PIP5K1C: variants seen among roughly 807,000 people sequenced by gnomAD.
PIP5K1C encodes phosphatidylinositol-4-phosphate 5-kinase type 1 gamma.
Under a neutral mutation model 80.1 loss-of-function variants are expected in PIP5K1C, and 45 were observed. That is an observed-to-expected ratio of 0.56 (90% confidence interval 0.44 to 0.72). The LOEUF is 0.72. PIP5K1C is among the 30% of genes least tolerant of loss of function. The pLI is 0.00. For missense variants in PIP5K1C, 753 were observed against 954.6 expected, an observed-to-expected ratio of 0.79 and a Z score of 2.78; for synonymous variants, 498 against 420.1, an observed-to-expected ratio of 1.19 and a Z score of -2.27.
chr19:3,697,398 G>A (rs1600104713), intron 1 of PIP5K1C, among the ~76,000 whole-genome samples: 1 of 151,070 alleles, frequency 6.6e-6, no homozygotes, highest in East Asian at 1.9e-4. Context: ...GGACTGAGCT[G>A]GACCGGGGAG....
chr19:3,700,345 C>T lies in PIP5K1C; in HGVS notation c.46G>A (p.Ala16Thr), dbSNP rs1237254126. Residue 16 changes from alanine to threonine, a missense_variant, in exon 1 of 18, where the codon GCC becomes ACC. Ala to Thr is a moderately conservative substitution (Grantham distance 58). Transcript: ENST00000335312. The part of the protein sequence containing the change: ...PDEAESAEAG[A>T]VPSEAAWAAE... Reference sequence around the variant, plus strand: ...GCCCACGCCGCCTCCGAGGGCACGGCCCCCGCCTCAGCGCTCTCCGCCTCG... The same window carrying T: ...GCCCACGCCGCCTCCGAGGGCACGGTCCCCGCCTCAGCGCTCTCCGCCTCG... 4 of 1,295,362 alleles carry T rather than the reference C, an allele frequency of 3.1e-6. No homozygotes were observed. The African/African-American group carries it at 6.3e-5, about 20-fold the overall frequency. 80.2% of individuals were successfully genotyped at this position (1,295,362 alleles called of 1,614,324 possible). A position where few individuals can be genotyped will look rare whatever the true frequency, so the allele number is the denominator to read the frequency against.
intron 14 of PIP5K1C, among the ~76,000 whole-genome samples, chr19:3,642,018 C>T (rs982294111): frequency 8.5e-5 from 13 of 152,276 alleles, no homozygotes; most frequent in South Asian, 8.3e-4. Context: ...TGGGGTGTAG[C>T]GGGCTCTGGG....
At chr19:3,642,433 C>T (rs978031297) in intron 14 of PIP5K1C, among the ~76,000 whole-genome samples, 7 of 152,176 alleles carry the variant, frequency 4.6e-5, no homozygotes, top group African/African-American at 1.2e-4. Flanking sequence ...CTGAGATCCC[C>T]GTCAGTCGAG....
chr19:3,700,329 G>A lies in PIP5K1C; in HGVS notation c.62C>T (p.Ala21Val), dbSNP rs1267346949. 1.5e-6 allele frequency: 2 copies of A among 1,295,042 alleles called. No individual in the cohort carries two copies. Among genetic ancestry groups the A allele is most frequent in the South Asian group, 1.5e-5 (1 of 66,086 alleles). 80.2% of individuals were successfully genotyped at this position (1,295,042 alleles called of 1,614,324 possible). A position where few individuals can be genotyped will look rare whatever the true frequency, so the allele number is the denominator to read the frequency against. Residue 21 changes from alanine to valine, a missense_variant, in exon 1 of 18, where the codon GCG (alanine) becomes GTG (valine). Coordinates refer to ENST00000335312, the MANE Select transcript of PIP5K1C (RefSeq NM_012398.3). ...SAEAGAVPSE[A>V]AWAAESGAAA... is the part of the protein sequence containing the mutation. ...CGCCCCGCTCTCTGCCGCCCACGCC[G>A]CCTCCGAGGGCACGGCCCCCGCCTC...
rs546598851 is a variant in PIP5K1C at position 3,693,706 on chromosome 19, G to A, written c.94+6591C>T. On this transcript the variant is annotated intron_variant, in intron 1 of 17. Coordinates refer to ENST00000335312, the MANE Select transcript of PIP5K1C (RefSeq NM_012398.3). ...AGACCCAGGTCGTGCAGCTTCCCAG[G>A]GGCTAGGGCCTCACCCATCCCTGTC... Among the ~76,000 whole-genome samples, 9 of 138,352 alleles carry A rather than the reference G, an allele frequency of 6.5e-5. No individual in the cohort carries two copies. The South Asian group carries it at 2.1e-3, about 33-fold the overall frequency. 90.8% of individuals were successfully genotyped at this position (138,352 alleles called of 152,430 possible). A position where few individuals can be genotyped will look rare whatever the true frequency, so the allele number is the denominator to read the frequency against.
At chr19:3,667,690 G>A (rs1223560445) in intron 1 of PIP5K1C, among the ~76,000 whole-genome samples, 2 of 152,168 alleles carry the variant, frequency 1.3e-5, no homozygotes, top group African/African-American at 2.4e-5. Context: ...CTGCCTGGAG[G>A]AGGGGAGGGG....
chr19:3,639,358 T>C (rs1019348822), intron 15 of PIP5K1C, among the ~76,000 whole-genome samples: 1 of 152,162 alleles, frequency 6.6e-6, no homozygotes, highest in Admixed American at 6.5e-5. Flanking sequence ...GTTCCTCCTC[T>C]GAGCCTCAGT....
intron 9 of PIP5K1C, 28 bp from the exon 10 acceptor site, chr19:3,647,414 C>T: frequency 6.4e-7 from 1 of 1,565,104 alleles, no homozygotes; most frequent in South Asian, 1.2e-5. Context: ...GGAGTGGCAG[C>T]TGACATCAGC....
chr19:3,688,897 C>CA lies in PIP5K1C; in HGVS notation c.94+11399_94+11400insT, dbSNP rs2035857903. Among the ~76,000 whole-genome samples the CA allele has an allele frequency of 6.6e-6, 1 of 152,128 alleles. No individual in the cohort carries two copies. The highest frequency in any genetic ancestry group is 1.5e-5 in the Non-Finnish European group (1 of 68,006). The stretch of plus-strand genomic sequence containing the variant: ...CCCCCGGTCCCCCTTCCAGCCTTGT[C>CA]CCCAACACAGCCTGCAAATGGGCGG... On this transcript the variant is annotated intron_variant, in intron 1 of 17. Transcript: ENST00000335312. This position sits in a 1 kb window ranked among gnomAD's most constrained non-coding sequence, Gnocchi z 5.3.
rs971303750 is a variant in PIP5K1C at position 3,636,811 on chromosome 19, G to A, written c.1920+2073C>T. The A allele has an allele frequency of 9.1e-6, 9 of 987,590 alleles. No individual in the cohort carries two copies. The African/African-American group carries it at 1.0e-4, about 11-fold the overall frequency. The allele number at this position is 987,590 out of a possible 1,614,324, so 61.2% of individuals were successfully genotyped here. A position where few individuals can be genotyped will look rare whatever the true frequency, so the allele number is the denominator to read the frequency against. On this transcript the variant is annotated intron_variant, in intron 16 of 17. Coordinates refer to ENST00000335312, the MANE Select transcript of PIP5K1C (RefSeq NM_012398.3). ...GGGGACACTCCTGCTTTGGGTCTGC[G>A]CCCCGTTCTGGCTGTGCGGTGCTGG...
rs2035848683 is a variant in PIP5K1C, at chr19:3,688,675, G to GCC, written c.94+11620_94+11621dup. On this transcript the variant is annotated intron_variant, in intron 1 of 17. Coordinates refer to ENST00000335312, the MANE Select transcript of PIP5K1C (RefSeq NM_012398.3). This position sits in a 1 kb window ranked among gnomAD's most constrained non-coding sequence, Gnocchi z 5.3. The stretch of plus-strand genomic sequence containing the variant: ...CCCTCAGGGCTAGAGACCCGGATGA[G>GCC]CCCCATGGAGAAACCCGTAGTGAGA... Among the ~76,000 whole-genome samples, 1 of 152,160 alleles carries GCC rather than the reference G, an allele frequency of 6.6e-6. No individual in the cohort carries two copies. Among genetic ancestry groups the GCC allele is most frequent in the African/African-American group, 2.4e-5 (1 of 41,416 alleles).
chr19:3,639,104 T>C, intron 15 of PIP5K1C, 88 bp from the exon 16 acceptor site: 1 of 1,458,018 alleles, frequency 6.9e-7, no homozygotes, highest in Middle Eastern at 1.9e-4. Flanking sequence ...GGCAGGGGCT[T>C]CATACGGTCA....
intron 10 of PIP5K1C, 49 bp downstream of exon 10, chr19:3,647,289 G>A (rs1357064617): frequency 6.8e-7 from 1 of 1,469,480 alleles, no homozygotes; most frequent in Admixed American, 2.0e-5. Context: ...GGCACTCACA[G>A]GAGGAGGAGG....
intron 15 of PIP5K1C, among the ~76,000 whole-genome samples, chr19:3,640,209 T>C (rs1406261626): frequency 1.3e-5 from 2 of 152,096 alleles, no homozygotes; most frequent in African/African-American, 2.4e-5. Flanking sequence ...ACCAGACAGA[T>C]GACAGAAAAG....
At chr19:3,682,407 G>A (rs971691711) in intron 1 of PIP5K1C, among the ~76,000 whole-genome samples, 3 of 150,578 alleles carry the variant, frequency 2.0e-5, no homozygotes, top group East Asian at 1.9e-4. Flanking sequence ...TGGGCCAGGC[G>A]CAGTTCTCAT....
intron 1 of PIP5K1C, among the ~76,000 whole-genome samples, chr19:3,672,966 A>C: frequency 2.9e-5 from 2 of 69,568 alleles, no homozygotes; most frequent in Non-Finnish European, 2.9e-5. Context: ...GGGGCTGGGG[A>C]CTGGGGGGCC....
intron 1 of PIP5K1C, among the ~76,000 whole-genome samples, chr19:3,677,734 AGGATGGTGGGATGGAGGGAGGGAT>A (rs2035407436): frequency 1.3e-5 from 1 of 75,960 alleles, no homozygotes. Context: ...GAGGGATGGA[AGGATGGTGGGATGGAGGGAGGGAT>A]GGAGGATGGA....
At position 3,633,284 on chromosome 19, in the gene PIP5K1C, C is replaced by T. The variant is rs1364195745; in HGVS notation, c.2005-115G>A. The T allele has an allele frequency of 1.2e-5, 8 of 675,514 alleles. No homozygotes were observed. In the Admixed American group the frequency reaches 1.7e-4, roughly 14 times the overall value. The allele number at this position is 675,514 out of a possible 1,614,324, so 41.8% of individuals were successfully genotyped here. Reference sequence around the variant, plus strand: ...GGCCCTGAGACACTTAGCCCACGGCCACCTCAGAGCCAGAGAGCCCAGGGT... The same window carrying T: ...GGCCCTGAGACACTTAGCCCACGGCTACCTCAGAGCCAGAGAGCCCAGGGT... On this transcript the variant is annotated intron_variant, in intron 17 of 17. Coordinates refer to ENST00000335312, the MANE Select transcript of PIP5K1C (RefSeq NM_012398.3).
intron 5 of PIP5K1C, among the ~76,000 whole-genome samples, chr19:3,659,549 G>A (rs987733193): frequency 2.0e-5 from 3 of 152,230 alleles, no homozygotes; most frequent in Non-Finnish European, 4.4e-5. Flanking sequence ...GTAGCGTCCA[G>A]GTCACCCGAG....
Sources: allele counts gnomAD v4.1 joint callset (sites outside exome capture counted in the v4.1 genomes callset), GRCh38; gene constraint gnomAD v4.1.1; non-coding constraint Gnocchi (gnomAD v3.1); transcripts MANE v1.5; gene names NCBI Gene and HGNC (gene_info 2026-07-23, HGNC 2026-07-21).